TTF1: variants seen among roughly 807,000 people sequenced by gnomAD.
TTF1 encodes transcription termination factor 1.
A neutral mutation model predicts 80.2 loss-of-function variants in TTF1; 64 were observed. The observed-to-expected ratio is 0.80, with a 90% CI of 0.65 to 0.98. The LOEUF (loss-of-function observed/expected upper bound fraction) is 0.98, where lower values mean the gene tolerates loss of function less well. Ranked by LOEUF, TTF1 falls within the 50% of genes least tolerant of loss-of-function variation. The pLI is 0.00. For missense variants in TTF1, 1,023 were observed against 1,086.2 expected (o/e 0.94, Z 0.82); for synonymous variants, 372 against 382.7 (o/e 0.97, Z 0.33).
At chr9:132,376,661 C>CT (rs1849182590) in intron 10 of TTF1, among the ~76,000 whole-genome samples, 1 of 150,122 alleles carries the variant, frequency 6.7e-6, no homozygotes, top group African/African-American at 2.5e-5. Context: ...AAATCTGTAT[C>CT]CTTTTTTTTT....
intron 9 of TTF1, among the ~76,000 whole-genome samples, chr9:132,380,771 A>C (rs1435853140): frequency 6.6e-6 from 1 of 152,230 alleles, no homozygotes; most frequent in Non-Finnish European, 1.5e-5. Context: ...TAAAACTTTG[A>C]GAGTACGTAG....
chr9:132,396,670 G>T lies in TTF1; in HGVS notation c.1778-159C>A, dbSNP rs796232850. 6.8e-3 allele frequency among the ~76,000 whole-genome samples: 596 copies of T among 87,600 alleles called. 5 individuals are homozygous for T. The highest frequency in any genetic ancestry group is 0.019 in the African/African-American group (548 of 29,210). 57.5% of individuals were successfully genotyped at this position (87,600 alleles called of 152,430 possible). A position where few individuals can be genotyped will look rare whatever the true frequency, so the allele number is the denominator to read the frequency against. Reference sequence around the variant, plus strand: ...TGAAGAAAGCTGTCTTGTTTTTTTTGTTTGTTTTTTTTTTTTTGAGAGAGT... The same window carrying T: ...TGAAGAAAGCTGTCTTGTTTTTTTTTTTTGTTTTTTTTTTTTTGAGAGAGT... On this transcript the variant is annotated intron_variant, in intron 4 of 10. Transcript: ENST00000334270.
rs1325325977 is a variant in TTF1 at position 132,386,571 on chromosome 9, A to G, written c.2363T>C (p.Leu788Pro). ...ATGGTCTTACCCTATGGCACTAGCA[A>G]GATCTTCCCAGTCTATTTCATTAGT... Reference protein sequence around the residue: ...EDTNEIDWEDLASAIGDVPPS... With the variant: ...EDTNEIDWEDPASAIGDVPPS... The change falls in exon 9 of 11, where the codon CTT (leucine) becomes CCT (proline). Residue 788 changes from leucine to proline, a missense_variant. Transcript: ENST00000334270. 1.2e-6 allele frequency: 2 copies of G among 1,612,310 alleles called. No homozygotes were observed. The highest frequency in any genetic ancestry group is 1.7e-6 in the Non-Finnish European group (2 of 1,178,414).
At position 132,384,148 on chromosome 9, in the gene TTF1, G is replaced by A. The variant is rs1184448983; in HGVS notation, c.2378+2408C>T. ...GGACGGCTGGATTTTGACAGTTGCT[G>A]AACTGGGGTGATGGGTACATGAAGC... On this transcript the variant is annotated intron_variant, in intron 9 of 10. Coordinates refer to ENST00000334270, the MANE Select transcript of TTF1 (RefSeq NM_007344.4). The surrounding 1 kb of genome is among the most constrained non-coding windows in gnomAD (Gnocchi z 4.1). 6.6e-6 allele frequency among the ~76,000 whole-genome samples: 1 copy of A among 152,164 alleles called. No homozygotes were observed. The highest frequency in any genetic ancestry group is 1.5e-5 in the Non-Finnish European group (1 of 68,018).
At chr9:132,393,787 T>C (rs1185192) in intron 5 of TTF1, among the ~76,000 whole-genome samples, 99,112 of 152,062 alleles carry the variant, frequency 0.65, 33,281 homozygotes, top group Non-Finnish European at 0.74. Flanking sequence ...CACTATAATA[T>C]TATAAATGGA....
chr9:132,381,365 A>G (rs1323130006), intron 9 of TTF1, among the ~76,000 whole-genome samples: 1 of 151,824 alleles, frequency 6.6e-6, no homozygotes, highest in Non-Finnish European at 1.5e-5. Flanking sequence ...TAATTTTTGT[A>G]TTTTAGTAGA....
intron 3 of TTF1, among the ~76,000 whole-genome samples, chr9:132,398,978 A>T (rs993912466): frequency 2.6e-5 from 4 of 152,126 alleles, no homozygotes; most frequent in Non-Finnish European, 5.9e-5. Context: ...CAGGCGAATC[A>T]TGAGGTCAGG....
rs201815658 is a variant in TTF1, at chr9:132,375,973, C to T, written c.2660G>A (p.Cys887Tyr). 8.1e-6 allele frequency: 13 copies of T among 1,612,684 alleles called. No homozygotes were observed. In the Admixed American group the frequency reaches 1.5e-4, roughly 19 times the overall value. The change falls in exon 11 of 11, where the codon TGC becomes TAC. Residue 887 changes from cysteine (C) to tyrosine (Y), a missense_variant. Transcript: ENST00000334270. The part of the protein sequence containing the change: ...IEKESEGQAP[C>Y]MAHACNSSTL... ...ACTGGAATTACAGGCGTGAGCCATG[C>T]ATGGCGCCTGGCCTTCGCTTTCTTT...
intron 9 of TTF1, among the ~76,000 whole-genome samples, chr9:132,380,561 A>G (rs1250701951): frequency 3.9e-5 from 6 of 152,162 alleles, no homozygotes; most frequent in Non-Finnish European, 7.4e-5. Context: ...CCTTCCCATA[A>G]TGCTGTGCGC....
chr9:132,406,320 G>A (rs1035536974), intron 1 of TTF1, among the ~76,000 whole-genome samples: 13 of 152,136 alleles, frequency 8.5e-5, no homozygotes, highest in African/African-American at 3.1e-4. Context: ...CCCAAGCCGC[G>A]GCCGGGCGCG....
rs1849651561 is a variant in TTF1 at position 132,396,499 on chromosome 9, G to A, written c.1790C>T (p.Ala597Val). 6.2e-7 allele frequency: 1 copy of A among 1,614,128 alleles called. No homozygotes were observed. The highest frequency in any genetic ancestry group is 8.5e-7 in the Non-Finnish European group (1 of 1,180,000). ...ATAGTATATAAGTTTCCAGGGCCGG[G>A]CAATGTTCCTACCTAAAGTCAGAAG... ...SFRLHIGRNIARPWKLIYYRA... is the reference protein window; with the variant it reads ...SFRLHIGRNIVRPWKLIYYRA... The change falls in exon 5 of 11, where the codon GCC becomes GTC. Residue 597 changes from alanine (A) to valine (V), a missense_variant. By Grantham distance (64) the Ala-to-Val change is moderately conservative (BLOSUM62 0). Coordinates refer to ENST00000334270, the MANE Select transcript of TTF1 (RefSeq NM_007344.4).
At chr9:132,403,477 C>T (rs1314038891) in intron 1 of TTF1, among the ~76,000 whole-genome samples, 3 of 151,996 alleles carry the variant, frequency 2.0e-5, no homozygotes, top group Admixed American at 2.0e-4. Context: ...TCCCCCCCAG[C>T]TCTCCATGAA....
rs756723081 is a variant in TTF1 at position 132,379,160 on chromosome 9, G to A, written c.2379-16C>T. The A allele has an allele frequency of 6.3e-7, 1 of 1,583,040 alleles. No individual in the cohort carries two copies. The highest frequency in any genetic ancestry group is 1.1e-5 in the South Asian group (1 of 87,012). ...AGGAACATCACTTTAGAAAAGGAAA[G>A]AAAAGATAAAAAGCAAGTTAGTTTA... On this transcript the variant is annotated splice_polypyrimidine_tract_variant and intron_variant, in intron 9 of 10. Coordinates refer to ENST00000334270, the MANE Select transcript of TTF1 (RefSeq NM_007344.4).
intron 1 of TTF1, among the ~76,000 whole-genome samples, chr9:132,406,365 G>A (rs1292537921): frequency 6.6e-6 from 1 of 152,198 alleles, no homozygotes; most frequent in African/African-American, 2.4e-5. Flanking sequence ...ACTTTGAGAG[G>A]CCGAGGCGGG....
At chr9:132,383,303 A>G (rs1849404454) in intron 9 of TTF1, among the ~76,000 whole-genome samples, 1 of 151,956 alleles carries the variant, frequency 6.6e-6, no homozygotes, top group Non-Finnish European at 1.5e-5. Context: ...TTAAAGGGGG[A>G]AAATGCTATC....
intron 7 of TTF1, among the ~76,000 whole-genome samples, chr9:132,389,571 G>A (rs1193377560): frequency 6.6e-6 from 1 of 152,132 alleles, no homozygotes; most frequent in African/African-American, 2.4e-5. Context: ...TTCCCCTGGA[G>A]TTGTAAGGTA....
chr9:132,401,980 T>C lies in TTF1; in HGVS notation c.842A>G (p.Lys281Arg). ...HKKKSKKKKK[K>R]KSNHQEFEAL... ...CTCAAATTCCTGGTGATTGGACTTT[T>C]TCTTCTTTTTTTTCTTAGACTTTTT... is the stretch of plus-strand genomic sequence containing the variant. The change falls in exon 2 of 11, where the codon AAA (lysine) becomes AGA (arginine). Residue 281 changes from lysine to arginine, a missense_variant. Coordinates refer to ENST00000334270, the MANE Select transcript of TTF1 (RefSeq NM_007344.4). The C allele has an allele frequency of 6.2e-7, 1 of 1,613,918 alleles. No individual in the cohort carries two copies. Among genetic ancestry groups the C allele is most frequent in the Non-Finnish European group, 8.5e-7 (1 of 1,179,982 alleles).
chr9:132,377,619 G>GTGCA (rs1491473764), intron 10 of TTF1, among the ~76,000 whole-genome samples: 13 of 127,744 alleles, frequency 1.0e-4, no homozygotes, highest in Admixed American at 2.4e-4. Context: ...AATGCATGTG[G>GTGCA]TGTGAGTGCA....
rs181549494 is a variant in TTF1, at chr9:132,392,350, G to A, written c.1857-144C>T. On this transcript the variant is annotated intron_variant, in intron 5 of 10. Transcript: ENST00000334270. ...CCGGTCACAGCCCTCTTCACTTCCT[G>A]TTGGCGTCTCACTGGTGGTCATCCT... 43 of 952,690 alleles carry A rather than the reference G, an allele frequency of 4.5e-5. No individual in the cohort carries two copies. The African/African-American group carries it at 6.4e-4, about 14-fold the overall frequency. The allele number at this position is 952,690 out of a possible 1,614,324, so 59.0% of individuals were successfully genotyped here. A position where few individuals can be genotyped will look rare whatever the true frequency, so the allele number is the denominator to read the frequency against.
Sources: allele counts gnomAD v4.1 joint callset (sites outside exome capture counted in the v4.1 genomes callset), GRCh38; gene constraint gnomAD v4.1.1; non-coding constraint Gnocchi (gnomAD v3.1); transcripts MANE v1.5; gene names NCBI Gene and HGNC (gene_info 2026-07-23, HGNC 2026-07-21).